Variants in LUZP2 observed in about 807,000 individuals in gnomAD.
The protein encoded by LUZP2 is leucine zipper protein 2.
In LUZP2, 52 loss-of-function variants were observed where a neutral mutation model predicts 51.6. The ratio of observed to expected loss-of-function variants is 1.01; its 90% CI spans 0.81 to 1.27. The LOEUF (loss-of-function observed/expected upper bound fraction) is 1.27. Ranked by LOEUF, LUZP2 falls within the 50% of genes most tolerant of loss-of-function variation. The pLI is 0.00. For synonymous variants in LUZP2, 154 were observed against 137.3 expected (o/e 1.12, Z -0.85); for missense variants, 436 against 395.4 (o/e 1.10, Z -0.87).
intron 5 of LUZP2, among the ~76,000 whole-genome samples, chr11:24,780,771 A>T (rs1849068490): frequency 6.6e-6 from 1 of 152,116 alleles, no homozygotes. Context: ...GCAGAATTTA[A>T]TCAGTCATTA....
chr11:24,937,957 A>G (rs1297849319), intron 7 of LUZP2, among the ~76,000 whole-genome samples: 2 of 151,724 alleles, frequency 1.3e-5, no homozygotes, highest in African/African-American at 4.8e-5. Flanking sequence ...TTAACTCAGG[A>G]CCTCATACTT....
intron 10 of LUZP2, among the ~76,000 whole-genome samples, chr11:25,054,515 G>T (rs1169575455): frequency 6.6e-6 from 1 of 151,822 alleles, no homozygotes; most frequent in Non-Finnish European, 1.5e-5. Context: ...GTTAGGTAAG[G>T]TTTTGCATTT....
chr11:24,973,824 G>C (rs1391334391), intron 7 of LUZP2, among the ~76,000 whole-genome samples: 3 of 151,846 alleles, frequency 2.0e-5, no homozygotes, highest in African/African-American at 4.8e-5. Context: ...TAGTTATTTT[G>C]CATTTACCGA....
At chr11:25,012,519 A>G (rs1250894048) in intron 9 of LUZP2, among the ~76,000 whole-genome samples, 1 of 152,132 alleles carries the variant, frequency 6.6e-6, no homozygotes, top group East Asian at 1.9e-4. Context: ...AAGTTCTCAA[A>G]ACCCATTAAA....
intron 1 of LUZP2, among the ~76,000 whole-genome samples, chr11:24,625,761 T>C (rs1434156757): frequency 6.6e-6 from 1 of 151,474 alleles, no homozygotes; most frequent in African/African-American, 2.4e-5. Context: ...CAGCCTTCAA[T>C]TGAAGTAGGG....
At chr11:24,688,122 A>T (rs938992648) in intron 1 of LUZP2, among the ~76,000 whole-genome samples, 1 of 152,130 alleles carries the variant, frequency 6.6e-6, no homozygotes, top group African/African-American at 2.4e-5. Context: ...TAAGTTTATA[A>T]TGATAATAAC....
intron 10 of LUZP2, among the ~76,000 whole-genome samples, chr11:25,062,094 G>A (rs998893107): frequency 2.7e-5 from 4 of 148,894 alleles, no homozygotes; most frequent in African/African-American, 7.4e-5. Flanking sequence ...AACAAAAAAC[G>A]AAAAACAGAG....
intron 5 of LUZP2, among the ~76,000 whole-genome samples, chr11:24,772,303 C>T (rs1860450722): frequency 6.6e-6 from 1 of 152,132 alleles, no homozygotes; most frequent in African/African-American, 2.4e-5. Flanking sequence ...AATTATTCTA[C>T]CTTCTTGCCT....
At chr11:24,981,972 A>G (rs1856044315) in intron 8 of LUZP2, among the ~76,000 whole-genome samples, 1 of 151,982 alleles carries the variant, frequency 6.6e-6, no homozygotes, top group East Asian at 1.9e-4. Context: ...ACACTTTTCA[A>G]AAGAAGACAC....
At chr11:24,528,198 G>C (rs1246854071) in intron 1 of LUZP2, among the ~76,000 whole-genome samples, 4 of 151,074 alleles carry the variant, frequency 2.6e-5, no homozygotes, top group African/African-American at 9.7e-5. Context: ...CATGTTTCAA[G>C]GGTTACTAGT....
At chr11:24,597,937 C>A (rs913933310) in intron 1 of LUZP2, among the ~76,000 whole-genome samples, 2 of 151,980 alleles carry the variant, frequency 1.3e-5, no homozygotes, top group African/African-American at 2.4e-5. Flanking sequence ...CCAGTCTCTA[C>A]TAAAGATACA....
At chr11:24,631,055 T>C (rs1298795175) in intron 1 of LUZP2, among the ~76,000 whole-genome samples, 1 of 152,054 alleles carries the variant, frequency 6.6e-6, no homozygotes, top group African/African-American at 2.4e-5. Context: ...TGTCCTACAA[T>C]TTTATCAAAT....
chr11:24,690,825 G>C (rs1254523839), intron 1 of LUZP2, among the ~76,000 whole-genome samples: 1 of 151,996 alleles, frequency 6.6e-6, no homozygotes. Context: ...TCTAGATGCT[G>C]AACAGCCAAA....
chr11:24,992,395 T>A (rs1856376737), intron 9 of LUZP2, among the ~76,000 whole-genome samples: 1 of 152,094 alleles, frequency 6.6e-6, no homozygotes, highest in Admixed American at 6.6e-5. Flanking sequence ...CATTTTACCA[T>A]GATTTTCTTA....
At chr11:24,870,602 A>G (rs1465383290) in intron 5 of LUZP2, among the ~76,000 whole-genome samples, 1 of 152,048 alleles carries the variant, frequency 6.6e-6, no homozygotes, top group Non-Finnish European at 1.5e-5. Context: ...TAGAGTAAGG[A>G]CTTGAGTAAA....
intron 1 of LUZP2, among the ~76,000 whole-genome samples, chr11:24,608,066 G>A (rs186379102): frequency 7.8e-4 from 119 of 152,138 alleles, no homozygotes; most frequent in African/African-American, 2.8e-3. Context: ...ATGCAGGAAG[G>A]TCTCGATCTC....
At chr11:24,499,938 C>G (rs1268750295) in intron 1 of LUZP2, among the ~76,000 whole-genome samples, 2 of 152,118 alleles carry the variant, frequency 1.3e-5, no homozygotes, top group Non-Finnish European at 2.9e-5. Flanking sequence ...GTGAACAGGT[C>G]TAATGGTATC....
At chr11:24,727,183 G>A (rs1400048965) in intron 1 of LUZP2, among the ~76,000 whole-genome samples, 1 of 151,980 alleles carries the variant, frequency 6.6e-6, no homozygotes, top group East Asian at 1.9e-4. Flanking sequence ...AGTAAACAAA[G>A]TCAACATTTA....
chr11:24,541,257 G>T (rs201462930), intron 1 of LUZP2, among the ~76,000 whole-genome samples: 1 of 114,186 alleles, frequency 8.8e-6, no homozygotes, highest in Admixed American at 1.0e-4. Flanking sequence ...TCATCTCAAG[G>T]AAAAAAAAAA....
Sources: allele counts gnomAD v4.1 joint callset (sites outside exome capture counted in the v4.1 genomes callset), GRCh38; gene constraint gnomAD v4.1.1; transcripts MANE v1.5; gene names NCBI Gene and HGNC (gene_info 2026-07-23, HGNC 2026-07-21).